ATMIN: variants seen among roughly 807,000 people sequenced by gnomAD.
ATMIN encodes ATM INteracting protein.
Under a neutral mutation model 49.2 loss-of-function variants are expected in ATMIN, and 24 were observed. That is an observed-to-expected ratio of 0.49 (90% CI 0.35 to 0.69). ATMIN has a LOEUF of 0.69. Ranked by LOEUF, ATMIN falls within the 30% of genes least tolerant of loss-of-function variation. The pLI is 0.00. For synonymous variants in ATMIN, 450 were observed against 392.5 expected, an observed-to-expected ratio of 1.15 and a Z score of -1.73; for missense variants, 1,037 against 1,005.5, an observed-to-expected ratio of 1.03 and a Z score of -0.42.
At position 81,042,682 on chromosome 16, in the gene ATMIN, C is replaced by G. The variant is rs142709561; in HGVS notation, c.662+202C>G. Among the ~76,000 whole-genome samples the G allele has an allele frequency of 7.3e-3, 1,110 of 152,298 alleles. 18 individuals carry two copies. The highest frequency in any genetic ancestry group is 0.025 in the African/African-American group (1,059 of 41,542). On this transcript the variant is annotated intron_variant, in intron 3 of 3. Coordinates refer to ENST00000299575, the MANE Select transcript of ATMIN (RefSeq NM_015251.3). ...TGAAATCTTGACCCAATTGTTCCCCCTATTTTTTTCTGCCAGCCCTCTTTG... is the reference window on the plus strand; with the variant it reads ...TGAAATCTTGACCCAATTGTTCCCCGTATTTTTTTCTGCCAGCCCTCTTTG...
rs1219692499 is a variant in ATMIN at position 81,044,010 on chromosome 16, C to G, written c.1512C>G (p.Asp504Glu). 1 of 1,614,172 alleles carries G rather than the reference C, an allele frequency of 6.2e-7. No homozygotes were observed. Among genetic ancestry groups the G allele is most frequent in the Non-Finnish European group, 8.5e-7 (1 of 1,180,032 alleles). The stretch of plus-strand genomic sequence containing the variant: ...GTGGGATAGAAAGTCCAACGGATGA[C>G]CATGTACAGATGGACCAAGCTGGAA... ...QTSGIESPTD[D>E]HVQMDQAGMC... The change falls in exon 4 of 4, where the codon GAC (aspartate) becomes GAG (glutamate). Residue 504 changes from aspartate (D) to glutamate (E), a missense_variant. Transcript: ENST00000299575.
intron 1 of ATMIN, among the ~76,000 whole-genome samples, chr16:81,038,521 C>G (rs1970984904): frequency 6.6e-6 from 1 of 152,136 alleles, no homozygotes; most frequent in Admixed American, 6.5e-5. Flanking sequence ...CTTGTCCTGG[C>G]TTTCTAACCG....
intron 1 of ATMIN, 36 bp downstream of exon 1, chr16:81,036,242 G>T: frequency 7.7e-7 from 1 of 1,293,792 alleles, no homozygotes; most frequent in Non-Finnish European, 9.8e-7. Flanking sequence ...GGGGGGCCGG[G>T]CCTGGCTCCA....
chr16:81,044,787 A>C lies in ATMIN; in HGVS notation c.2289A>C (p.Thr763=), dbSNP rs1404524082. The C allele has an allele frequency of 1.9e-6, 3 of 1,614,118 alleles. No individual in the cohort carries two copies. Among genetic ancestry groups the C allele is most frequent in the Non-Finnish European group, 1.7e-6 (2 of 1,180,054 alleles). The part of the protein sequence containing the change: ...ALESKVQLNS[T]ETQTMSSGFE... ...AAAGCAAAGTTCAGTTGAACAGTAC[A>C]GAAACACAGACCATGAGTTCTGGGT... The change falls in exon 4 of 4, where the codon ACA becomes ACC. Residue 763 remains threonine (T), a synonymous_variant. Coordinates refer to ENST00000299575, the MANE Select transcript of ATMIN (RefSeq NM_015251.3).
At position 81,045,503 on chromosome 16, in the gene ATMIN, G is replaced by A. The variant is rs1233097859; in HGVS notation, c.*533G>A. On this transcript the variant is annotated 3_prime_UTR_variant, in exon 4 of 4. Transcript: ENST00000299575. ...ACTCCTGCTGCCTGGACCTTCGTCA[G>A]CTTTGACACCTCTTTTCTGATTTAA... 1 of 153,166 alleles carries A rather than the reference G, an allele frequency of 6.5e-6. No individual in the cohort carries two copies. The highest frequency in any genetic ancestry group is 1.5e-5 in the Non-Finnish European group (1 of 68,746). 9.5% of individuals were successfully genotyped at this position (153,166 alleles called of 1,614,324 possible). A position where few individuals can be genotyped will look rare whatever the true frequency, so the allele number is the denominator to read the frequency against.
At chr16:81,041,329 T>G in intron 1 of ATMIN, 27 bp from the exon 2 acceptor site, 1 of 1,585,952 alleles carries the variant, frequency 6.3e-7, no homozygotes, top group Non-Finnish European at 8.5e-7. Flanking sequence ...TTTGAAATAA[T>G]AATTTAAAGT....
chr16:81,036,185 A>T lies in ATMIN; in HGVS notation c.315A>T (p.Leu105=). 6.9e-7 allele frequency: 1 copy of T among 1,458,420 alleles called. No individual in the cohort carries two copies. Among genetic ancestry groups the T allele is most frequent in the Non-Finnish European group, 9.1e-7 (1 of 1,098,328 alleles). The allele number at this position is 1,458,420 out of a possible 1,614,324, so 90.3% of individuals were successfully genotyped here. A position where few individuals can be genotyped will look rare whatever the true frequency, so the allele number is the denominator to read the frequency against. Residue 105 remains leucine (L), a synonymous_variant, in exon 1 of 4, where the codon CTA becomes CTT. Coordinates refer to ENST00000299575, the MANE Select transcript of ATMIN (RefSeq NM_015251.3). ...LPNSPALNMH[L]VKSHRLQDGI... is the part of the protein sequence containing the mutation. Reference sequence around the variant, plus strand: ...ACAGCCCCGCGCTCAACATGCACCTAGTCAAGAGCCACCGCCTGCAGGTGA... The same window carrying T: ...ACAGCCCCGCGCTCAACATGCACCTTGTCAAGAGCCACCGCCTGCAGGTGA...
At chr16:81,036,662 A>G (rs980886936) in intron 1 of ATMIN, among the ~76,000 whole-genome samples, 2 of 152,150 alleles carry the variant, frequency 1.3e-5, no homozygotes, top group Non-Finnish European at 2.9e-5. Flanking sequence ...GACACCCACA[A>G]TGCCGCCCTT....
In ATMIN at chr16:81,042,337, G is replaced by A. The variant is rs201679027; in HGVS notation, c.519G>A (p.Ser173=). The A allele has an allele frequency of 5.8e-5, 93 of 1,614,092 alleles. No homozygotes were observed. The highest frequency in any genetic ancestry group is 1.7e-4 in the Admixed American group (10 of 60,012). The change falls in exon 3 of 4, where the codon TCG becomes TCA. Residue 173 remains serine, a synonymous_variant. Transcript: ENST00000299575. Reference sequence around the variant, plus strand: ...ACAAATGTAGTAAGTGCAGCAATTCGTACGGTACAGAATGGGACCTGAAAA... The same window carrying A: ...ACAAATGTAGTAAGTGCAGCAATTCATACGGTACAGAATGGGACCTGAAAA... The part of the protein sequence containing the change: ...KKHKCSKCSN[S]YGTEWDLKRH...
intron 1 of ATMIN, among the ~76,000 whole-genome samples, chr16:81,036,459 C>G (rs1388510488): frequency 6.6e-6 from 1 of 152,246 alleles, no homozygotes; most frequent in Non-Finnish European, 1.5e-5. Flanking sequence ...CCCTGGTTCC[C>G]TGGCTCCCTG....
chr16:81,037,685 G>A (rs1010917981), intron 1 of ATMIN, among the ~76,000 whole-genome samples: 1 of 152,120 alleles, frequency 6.6e-6, no homozygotes, highest in African/African-American at 2.4e-5. Flanking sequence ...ACCCAGGCTG[G>A]AGCGCAGTGG....
chr16:81,042,121 G>C (rs1971046495), intron 2 of ATMIN, among the ~76,000 whole-genome samples, 160 bp from the exon 3 acceptor site: 1 of 152,088 alleles, frequency 6.6e-6, no homozygotes, highest in South Asian at 2.1e-4. Context: ...ATAATTAACT[G>C]CGATGTTCCT....
intron 1 of ATMIN, among the ~76,000 whole-genome samples, chr16:81,038,426 C>T (rs894010035): frequency 6.6e-6 from 1 of 152,094 alleles, no homozygotes; most frequent in Non-Finnish European, 1.5e-5. Flanking sequence ...CCACTGTGCC[C>T]AGCCAGGGCA....
chr16:81,039,660 C>T (rs1971007227), intron 1 of ATMIN, among the ~76,000 whole-genome samples: 1 of 152,142 alleles, frequency 6.6e-6, no homozygotes, highest in Admixed American at 6.6e-5. Context: ...AGTAAATGTA[C>T]ATTTTTTTAT....
chr16:81,036,231 C>A, intron 1 of ATMIN, 25 bp downstream of exon 1: 1 of 1,355,060 alleles, frequency 7.4e-7, no homozygotes, highest in East Asian at 3.6e-5. Flanking sequence ...GCCGGCGGCC[C>A]GGGGGGCCGG....
At chr16:81,042,617 A>C in intron 3 of ATMIN, 137 bp downstream of exon 3, 1 of 932,456 alleles carries the variant, frequency 1.1e-6, no homozygotes, top group Non-Finnish European at 1.6e-6. Context: ...GAAGCTTTTG[A>C]AAATGGAAGC....
Position 81,043,825 on chromosome 16 carries a change from A to G in ATMIN, c.1327A>G (p.Thr443Ala), listed in dbSNP as rs1971076019. ...ADSSVSSCSQ[T>A]DLSFDSQVSL... The stretch of plus-strand genomic sequence containing the variant: ...TTCCTCTGTGTCGTCTTGTTCTCAA[A>G]CTGATTTGTCGTTTGATTCTCAAGT... Residue 443 changes from threonine to alanine, a missense_variant, in exon 4 of 4, where the codon ACT becomes GCT. Thr to Ala is a moderately conservative substitution (Grantham distance 58, BLOSUM62 0). Transcript: ENST00000299575. 2 of 1,614,078 alleles carry G rather than the reference A, an allele frequency of 1.2e-6. No homozygotes were observed. The highest frequency in any genetic ancestry group is 2.7e-5 in the African/African-American group (2 of 74,930).
At position 81,044,400 on chromosome 16, in the gene ATMIN, C is replaced by T. The variant is rs754763618; in HGVS notation, c.1902C>T (p.Ile634=). 5.3e-5 allele frequency: 86 copies of T among 1,613,976 alleles called. No homozygotes were observed. Among genetic ancestry groups the T allele is most frequent in the East Asian group, 3.8e-4 (17 of 44,886 alleles). Residue 634 remains isoleucine (I), a synonymous_variant, in exon 4 of 4, where the codon ATC becomes ATT. Transcript: ENST00000299575. ...CTGGCCCAGCCCAGAACCCCGGAATCGATTTTGATATCGAAGAGTTCTTTT... is the reference window on the plus strand; with the variant it reads ...CTGGCCCAGCCCAGAACCCCGGAATTGATTTTGATATCGAAGAGTTCTTTT... The part of the protein sequence containing the change: ...LPSGPAQNPG[I]DFDIEEFFSA...
intron 1 of ATMIN, 170 bp from the exon 2 acceptor site, chr16:81,041,186 T>G: frequency 2.1e-5 from 13 of 617,494 alleles, no homozygotes; most frequent in East Asian, 6.2e-5. Flanking sequence ...TCTCACCACA[T>G]TTCGTTTAAT....
Sources: allele counts gnomAD v4.1 joint callset (sites outside exome capture counted in the v4.1 genomes callset), GRCh38; gene constraint gnomAD v4.1.1; transcripts MANE v1.5; gene names NCBI Gene and HGNC (gene_info 2026-07-23, HGNC 2026-07-21).